Variants in MSMO1 observed in about 807,000 individuals in gnomAD.
The protein encoded by MSMO1 is C-4 methylsterol oxidase.
MSMO1 carries 18 observed loss-of-function variants against 30.4 expected under a neutral mutation model. The ratio of observed to expected loss-of-function variants is 0.59; its 90% CI spans 0.41 to 0.88. The LOEUF is 0.88. Among genes scored for constraint, MSMO1 ranks in the 40% least tolerant of loss-of-function variants. The pLI is 0.00. For missense variants in MSMO1, 284 were observed against 340.5 expected, an observed-to-expected ratio of 0.83 and a Z score of 1.31; for synonymous variants, 84 against 107.9, an observed-to-expected ratio of 0.78 and a Z score of 1.37.
chr4:165,336,113 A>G (rs1031790239), intron 2 of MSMO1, among the ~76,000 whole-genome samples: 3 of 152,222 alleles, frequency 2.0e-5, no homozygotes, highest in African/African-American at 7.2e-5. Context: ...ATGAAATAGT[A>G]CTAAAGACTT....
Position 165,341,974 on chromosome 4 carries a change from TAAA to T in MSMO1, c.*29_*31del. ...ATCTCACGTAAACCTTCCTGAAAGA[TAAA>T]CGTTTTCCTGAATTCAGAAACTAGT... On this transcript the variant is annotated 3_prime_UTR_variant, in exon 6 of 6. Coordinates refer to ENST00000261507, the MANE Select transcript of MSMO1 (RefSeq NM_006745.5). 6.4e-7 allele frequency: 1 copy of T among 1,569,948 alleles called. No homozygotes were observed. The highest frequency in any genetic ancestry group is 8.8e-7 in the Non-Finnish European group (1 of 1,142,216).
intron 4 of MSMO1, among the ~76,000 whole-genome samples, chr4:165,339,211 TCTC>T (rs1747648180): frequency 6.9e-6 from 1 of 144,496 alleles, no homozygotes; most frequent in Non-Finnish European, 1.5e-5. Flanking sequence ...TTCAAGCAAT[TCTC>T]CTGCCTCAGC....
Position 165,341,733 on chromosome 4 carries a change from T to C in MSMO1, c.687-18T>C. ...AGATGTATTTATTCCTTAATAATCT[T>C]TATCATTTTTGTTTCAGTGGTTATG... On this transcript the variant is annotated intron_variant, in intron 5 of 5. Transcript: ENST00000261507. 1 of 1,573,238 alleles carries C rather than the reference T, an allele frequency of 6.4e-7. No individual in the cohort carries two copies. Among genetic ancestry groups the C allele is most frequent in the East Asian group, 2.2e-5 (1 of 44,572 alleles).
intron 1 of MSMO1, among the ~76,000 whole-genome samples, chr4:165,332,509 G>T (rs1321682195): frequency 1.3e-5 from 2 of 152,118 alleles, no homozygotes; most frequent in Admixed American, 6.5e-5. Context: ...TGAGAAAGTT[G>T]CTGGATCAAA....
intron 1 of MSMO1, among the ~76,000 whole-genome samples, chr4:165,329,990 T>C (rs1747347748): frequency 6.6e-6 from 1 of 152,106 alleles, no homozygotes; most frequent in South Asian, 2.1e-4. Context: ...AGAATGCAGA[T>C]TGCAGTTGCT....
intron 3 of MSMO1, among the ~76,000 whole-genome samples, chr4:165,338,325 TATATAC>T (rs988413160): frequency 2.0e-5 from 3 of 147,606 alleles, no homozygotes; most frequent in African/African-American, 7.6e-5. Flanking sequence ...TATATATATA[TATATAC>T]ACACATATAT....
intron 1 of MSMO1, among the ~76,000 whole-genome samples, chr4:165,331,923 A>T (rs1040319470): frequency 1.2e-4 from 18 of 147,844 alleles, no homozygotes; most frequent in African/African-American, 4.2e-4. Flanking sequence ...ACTATTTCCT[A>T]CCCCGCCGCG....
chr4:165,333,959 GTC>G (rs1747469819), intron 2 of MSMO1, among the ~76,000 whole-genome samples: 1 of 152,084 alleles, frequency 6.6e-6, no homozygotes, highest in Admixed American at 6.6e-5. Context: ...GCAAGACCCT[GTC>G]TCTACAAAAA....
At chr4:165,330,518 G>A (rs535736678) in intron 1 of MSMO1, among the ~76,000 whole-genome samples, 11 of 152,314 alleles carry the variant, frequency 7.2e-5, no homozygotes, top group African/African-American at 2.6e-4. Flanking sequence ...TTTGCCCAAG[G>A]TCACAGGACA....
At chr4:165,329,796 G>A (rs1030876679) in intron 1 of MSMO1, among the ~76,000 whole-genome samples, 11 of 151,746 alleles carry the variant, frequency 7.2e-5, no homozygotes, top group African/African-American at 2.4e-4. Context: ...CACCACACCC[G>A]GCTAATTTTT....
intron 2 of MSMO1, among the ~76,000 whole-genome samples, chr4:165,335,499 T>C (rs1579215074): frequency 3.3e-5 from 5 of 152,362 alleles, no homozygotes; most frequent in Admixed American, 3.3e-4. Flanking sequence ...GTCTAAGTTC[T>C]AATGCACCTT....
chr4:165,337,910 C>T lies in MSMO1; in HGVS notation c.377C>T (p.Pro126Leu), dbSNP rs1232131097. Reference sequence around the variant, plus strand: ...TATTTTACAGAGTATTTCAATATTCCTTATGATTGGGAAAGAATGCCAAGA... The same window carrying T: ...TATTTTACAGAGTATTTCAATATTCTTTATGATTGGGAAAGAATGCCAAGA... ...TYYFTEYFNI[P>L]YDWERMPRWY... The change falls in exon 3 of 6, where the codon CCT (proline) becomes CTT (leucine). Residue 126 changes from proline to leucine, a missense_variant. By Grantham distance (98) the Pro-to-Leu change is moderately conservative. Coordinates refer to ENST00000261507, the MANE Select transcript of MSMO1 (RefSeq NM_006745.5). 6 of 1,613,388 alleles carry T rather than the reference C, an allele frequency of 3.7e-6. No homozygotes were observed. The highest frequency in any genetic ancestry group is 4.2e-6 in the Non-Finnish European group (5 of 1,179,684).
At chr4:165,337,696 G>C in intron 2 of MSMO1, 93 bp from the exon 3 acceptor site, 1 of 1,286,734 alleles carries the variant, frequency 7.8e-7, no homozygotes, top group Non-Finnish European at 1.1e-6. Context: ...AACTGACGTA[G>C]AATTAAGGTC....
Position 165,340,320 on chromosome 4 carries a change from A to C in MSMO1, c.631A>C (p.Ile211Leu). 6.2e-7 allele frequency: 1 copy of C among 1,613,898 alleles called. No homozygotes were observed. The highest frequency in any genetic ancestry group is 2.2e-5 in the East Asian group (1 of 44,850). The change falls in exon 5 of 6, where the codon ATT becomes CTT. Residue 211 changes from isoleucine to leucine, a missense_variant. Physicochemically the swap from Ile to Leu is conservative, Grantham distance 5. Transcript: ENST00000261507. ...IGIVLLCDHV[I>L]LLWAWVTIRL... The stretch of plus-strand genomic sequence containing the variant: ...AATCGTGCTTTTGTGTGATCATGTA[A>C]TTCTTCTTTGGGCATGGGTGACCAT...
At chr4:165,329,778 G>T (rs4361344) in intron 1 of MSMO1, among the ~76,000 whole-genome samples, 1 of 151,796 alleles carries the variant, frequency 6.6e-6, no homozygotes, top group Non-Finnish European at 1.5e-5. Flanking sequence ...GGAATTACAG[G>T]CATACGCCAC....
chr4:165,336,205 G>A (rs1030605442), intron 2 of MSMO1, among the ~76,000 whole-genome samples: 1 of 147,416 alleles, frequency 6.8e-6, no homozygotes, highest in Non-Finnish European at 1.5e-5. Flanking sequence ...GAATGAAAAA[G>A]TAAAGCAGAC....
At position 165,341,756 on chromosome 4, in the gene MSMO1, A is replaced by G. The variant is rs1191809180; in HGVS notation, c.692A>G (p.Tyr231Cys). 1 of 1,607,256 alleles carries G rather than the reference A, an allele frequency of 6.2e-7. No individual in the cohort carries two copies. Residue 231 changes from tyrosine (Y) to cysteine (C), a missense_variant, in exon 6 of 6, where the codon TAT (tyrosine) becomes TGT (cysteine). By Grantham distance (194) the Tyr-to-Cys change is radical (BLOSUM62 -2). Coordinates refer to ENST00000261507, the MANE Select transcript of MSMO1 (RefSeq NM_006745.5). ...CTTTATCATTTTTGTTTCAGTGGTT[A>G]TGATATTCCTCTCAACCCTTTAAAT... The part of the protein sequence containing the change: ...LLETIDVHSG[Y>C]DIPLNPLNLI...
rs1747734680 is a variant in MSMO1 at position 165,342,192 on chromosome 4, T to C, written c.*246T>C. 8.0e-6 allele frequency: 3 copies of C among 376,362 alleles called. No homozygotes were observed. The highest frequency in any genetic ancestry group is 1.5e-5 in the Non-Finnish European group (3 of 205,096). 23.3% of individuals were successfully genotyped at this position (376,362 alleles called of 1,614,324 possible). On this transcript the variant is annotated 3_prime_UTR_variant, in exon 6 of 6. Coordinates refer to ENST00000261507, the MANE Select transcript of MSMO1 (RefSeq NM_006745.5). ...TTCATGAGGAAGTTTTAAAAGACCA[T>C]GTTCCTAAGCTTCCAAGAAGGTTTT...
At chr4:165,334,887 T>C (rs1160477325) in intron 2 of MSMO1, among the ~76,000 whole-genome samples, 1 of 152,218 alleles carries the variant, frequency 6.6e-6, no homozygotes, top group Middle Eastern at 3.2e-3. Flanking sequence ...TATCCATGGG[T>C]TGTTGTATCC....
Sources: allele counts gnomAD v4.1 joint callset (sites outside exome capture counted in the v4.1 genomes callset), GRCh38; gene constraint gnomAD v4.1.1; transcripts MANE v1.5; gene names NCBI Gene and HGNC (gene_info 2026-07-23, HGNC 2026-07-21).